OR2L3: variants seen among roughly 807,000 people sequenced by gnomAD.
OR2L3 encodes the protein olfactory receptor 2L3.
For missense variants in OR2L3, 369 were observed against 376.6 expected (o/e 0.98, Z 0.17); for synonymous variants, 131 against 139.1 (o/e 0.94, Z 0.41).
At position 248,061,674 on chromosome 1, in the gene OR2L3, T is replaced by C. The variant is rs1663651154; in HGVS notation, c.*54T>C. On this transcript the variant is annotated 3_prime_UTR_variant, in exon 2 of 2. Coordinates refer to ENST00000359959, the MANE Select transcript of OR2L3 (RefSeq NM_001004687.2). ...TCAGATACACATCCATCCAGCAGTG[T>C]ATAGTAATTAAAATATTATTTCAAT... 7.0e-7 allele frequency: 1 copy of C among 1,421,194 alleles called. No individual in the cohort carries two copies. The highest frequency in any genetic ancestry group is 1.4e-5 in the South Asian group (1 of 72,416). 88.0% of individuals were successfully genotyped at this position (1,421,194 alleles called of 1,614,324 possible). A position where few individuals can be genotyped will look rare whatever the true frequency, so the allele number is the denominator to read the frequency against.
At chr1:248,059,899 G>A (rs1429265129) in intron 1 of OR2L3, among the ~76,000 whole-genome samples, 2 of 152,038 alleles carry the variant, frequency 1.3e-5, no homozygotes, top group African/African-American at 4.8e-5. Flanking sequence ...AGTTAACTAG[G>A]TATGGTGGCT....
At chr1:248,057,878 C>T (rs965653428) in intron 1 of OR2L3, among the ~76,000 whole-genome samples, 5 of 151,972 alleles carry the variant, frequency 3.3e-5, no homozygotes, top group African/African-American at 1.2e-4. Context: ...ATTATTTATC[C>T]TAAGTTTTCT....
At chr1:248,052,380 C>A (rs1056042433) in intron 1 of OR2L3, among the ~76,000 whole-genome samples, 3 of 152,090 alleles carry the variant, frequency 2.0e-5, no homozygotes, top group Admixed American at 6.5e-5. Flanking sequence ...AGCTATATGT[C>A]TGGTGCCATT....
chr1:248,060,864 A>C lies in OR2L3; in HGVS notation c.183A>C (p.Leu61=). The C allele has an allele frequency of 1.2e-6, 2 of 1,613,732 alleles. No homozygotes were observed. The highest frequency in any genetic ancestry group is 1.7e-6 in the Non-Finnish European group (2 of 1,179,830). The stretch of plus-strand genomic sequence containing the variant: ...ATCTCCACACACCCATGTATTTCCT[A>C]CTTAGTCAGCTCTCCCTCATTGACC... ...DTHLHTPMYF[L]LSQLSLIDLN... is the part of the protein sequence containing the mutation. Residue 61 remains leucine, a synonymous_variant, in exon 2 of 2, where the codon CTA becomes CTC. Coordinates refer to ENST00000359959, the MANE Select transcript of OR2L3 (RefSeq NM_001004687.2).
chr1:248,054,455 G>C (rs908613198), intron 1 of OR2L3, among the ~76,000 whole-genome samples: 1 of 151,994 alleles, frequency 6.6e-6, no homozygotes, highest in Non-Finnish European at 1.5e-5. Flanking sequence ...TTTTAAAATA[G>C]TTCTTTTTTT....
chr1:248,062,051 T>C lies in OR2L3; in HGVS notation c.*431T>C, dbSNP rs999691824. 13 of 160,172 alleles carry C rather than the reference T, an allele frequency of 8.1e-5. No individual in the cohort carries two copies. The highest frequency in any genetic ancestry group is 4.1e-4 in the Admixed American group (7 of 16,996). The allele number at this position is 160,172 out of a possible 1,614,324, so 9.9% of individuals were successfully genotyped here. A position where few individuals can be genotyped will look rare whatever the true frequency, so the allele number is the denominator to read the frequency against. The stretch of plus-strand genomic sequence containing the variant: ...TGACTTGGTGTATCTAGTTGAAAGC[T>C]GTAAGATGTTTTGTCTTTCTTATCT... On this transcript the variant is annotated 3_prime_UTR_variant, in exon 2 of 2. Coordinates refer to ENST00000359959, the MANE Select transcript of OR2L3 (RefSeq NM_001004687.2).
At chr1:248,053,306 AG>A (rs1663331563) in intron 1 of OR2L3, among the ~76,000 whole-genome samples, 1 of 152,168 alleles carries the variant, frequency 6.6e-6, no homozygotes, top group South Asian at 2.1e-4. Flanking sequence ...ATGGCTGTAT[AG>A]TATTCCATTG....
At chr1:248,047,582 C>A (rs1663119536) in intron 1 of OR2L3, among the ~76,000 whole-genome samples, 1 of 152,112 alleles carries the variant, frequency 6.6e-6, no homozygotes, top group Non-Finnish European at 1.5e-5. Flanking sequence ...CAACTTGATC[C>A]AAATTGTAGT....
At chr1:248,048,294 C>T (rs147848566) in intron 1 of OR2L3, among the ~76,000 whole-genome samples, 56 of 152,140 alleles carry the variant, frequency 3.7e-4, no homozygotes, top group Non-Finnish European at 5.7e-4. Context: ...TGTGGTTCTC[C>T]AACTTCATAC....
chr1:248,059,670 T>C (rs1663559922), intron 1 of OR2L3, among the ~76,000 whole-genome samples: 1 of 152,346 alleles, frequency 6.6e-6, no homozygotes, highest in East Asian at 1.9e-4. Flanking sequence ...AAATAATTGA[T>C]AATTGGCATT....
At chr1:248,057,128 G>A (rs1354408567) in intron 1 of OR2L3, among the ~76,000 whole-genome samples, 1 of 152,158 alleles carries the variant, frequency 6.6e-6, no homozygotes, top group African/African-American at 2.4e-5. Flanking sequence ...GTTTTGGGAA[G>A]GAGAGTTCTG....
At chr1:248,052,233 G>C (rs1275114029) in intron 1 of OR2L3, among the ~76,000 whole-genome samples, 1 of 152,034 alleles carries the variant, frequency 6.6e-6, no homozygotes, top group Non-Finnish European at 1.5e-5. Flanking sequence ...TCAATATCTT[G>C]AATGTAAATA....
chr1:248,061,391 A>G lies in OR2L3; in HGVS notation c.710A>G (p.Tyr237Cys). ...MKSAEGRKKAYLTCSTHLTVV... is the reference protein window; with the variant it reads ...MKSAEGRKKACLTCSTHLTVV... ...TCTGCAGAAGGGAGGAAGAAAGCCT[A>G]CCTGACCTGCAGCACCCACCTCACT... is the stretch of plus-strand genomic sequence containing the variant. The change falls in exon 2 of 2, where the codon TAC becomes TGC. Residue 237 changes from tyrosine to cysteine, a missense_variant. Tyr to Cys is a radical substitution (Grantham distance 194, BLOSUM62 -2). Coordinates refer to ENST00000359959, the MANE Select transcript of OR2L3 (RefSeq NM_001004687.2). 1.2e-6 allele frequency: 2 copies of G among 1,614,032 alleles called. No individual in the cohort carries two copies. The highest frequency in any genetic ancestry group is 2.2e-5 in the East Asian group (1 of 44,852).
Position 248,062,930 on chromosome 1 carries a change from G to A in OR2L3, c.*1310G>A, listed in dbSNP as rs1402982300. 1 of 152,068 alleles carries A rather than the reference G, an allele frequency of 6.6e-6. No individual in the cohort carries two copies. The highest frequency in any genetic ancestry group is 6.5e-5 in the Admixed American group (1 of 15,274). The allele number at this position is 152,068 out of a possible 1,614,324, so 9.4% of individuals were successfully genotyped here. The stretch of plus-strand genomic sequence containing the variant: ...TGTAGATATATGGATTTATTTCTGG[G>A]TTCTCTGTTCTGTTTCACTGTTCTA... On this transcript the variant is annotated 3_prime_UTR_variant, in exon 2 of 2. Coordinates refer to ENST00000359959, the MANE Select transcript of OR2L3 (RefSeq NM_001004687.2).
chr1:248,049,896 A>ATATGTATG (rs1401162490), intron 1 of OR2L3, among the ~76,000 whole-genome samples: 1 of 152,176 alleles, frequency 6.6e-6, no homozygotes, highest in African/African-American at 2.4e-5. Context: ...TTATTCACAG[A>ATATGTATG]TATGTATGTA....
intron 1 of OR2L3, among the ~76,000 whole-genome samples, chr1:248,048,480 T>C (rs1412164968): frequency 1.3e-5 from 2 of 152,184 alleles, no homozygotes; most frequent in African/African-American, 4.8e-5. Context: ...TGTGGAGAGC[T>C]GTCCTTGTCT....
chr1:248,057,107 T>C (rs1371860536), intron 1 of OR2L3, among the ~76,000 whole-genome samples: 2 of 152,194 alleles, frequency 1.3e-5, no homozygotes, highest in Non-Finnish European at 2.9e-5. Flanking sequence ...GACAAAATTT[T>C]GTATTTTGTT....
At chr1:248,050,524 G>T (rs1558198735) in intron 1 of OR2L3, among the ~76,000 whole-genome samples, 1 of 151,916 alleles carries the variant, frequency 6.6e-6, no homozygotes. Flanking sequence ...ACTGGAACAT[G>T]GATAATAAAA....
intron 1 of OR2L3, among the ~76,000 whole-genome samples, chr1:248,058,745 A>T (rs1234162045): frequency 6.6e-6 from 1 of 152,040 alleles, no homozygotes; most frequent in African/African-American, 2.4e-5. Flanking sequence ...AAAATTTTTA[A>T]AGAATATTAA....
Sources: allele counts gnomAD v4.1 joint callset (sites outside exome capture counted in the v4.1 genomes callset), GRCh38; gene constraint gnomAD v4.1.1; transcripts MANE v1.5; gene names NCBI Gene and HGNC (gene_info 2026-07-23, HGNC 2026-07-21).